The following ADGRD2 variants were observed in gnomAD, a reference collection of about 807,000 sequenced individuals.
ADGRD2 encodes the protein G protein-coupled receptor PGR24.
Under a neutral mutation model 44.4 loss-of-function variants are expected in ADGRD2, and 71 were observed. The ratio of observed to expected loss-of-function variants is 1.60; its 90% confidence interval spans 1.32 to 1.95. ADGRD2 has a LOEUF of 1.95. ADGRD2 is among the 30% of genes most tolerant of loss of function. The pLI is 0.00. For synonymous variants in ADGRD2, 481 were observed against 224.8 expected (o/e 2.14, Z -10.19); for missense variants, 1,039 against 512.4 (o/e 2.03, Z -9.92).
intron 12 of ADGRD2, 120 bp from the exon 16 acceptor site, chr9:124,467,968 G>T: frequency 2.8e-6 from 2 of 704,296 alleles, no homozygotes; most frequent in South Asian, 3.1e-5. Context: ...TGGGTCCCCT[G>T]TGGAGCTGCT....
intron 19 of ADGRD2, 42 bp downstream of exon 22, chr9:124,475,657 C>G (rs976942271): frequency 4.9e-6 from 3 of 611,434 alleles, no homozygotes; most frequent in Non-Finnish European, 5.9e-6. Flanking sequence ...CGGGAGGCCC[C>G]CAGAGCCAGG....
intron 11 of ADGRD2, 123 bp from the exon 15 acceptor site, chr9:124,467,597 TG>T: frequency 1.6e-6 from 1 of 643,306 alleles, no homozygotes. Context: ...TGGGTCCTGC[TG>T]GCTGCTGCTG....
intron 10 of ADGRD2, among the ~76,000 whole-genome samples, chr9:124,464,293 A>C (rs936647045): frequency 6.6e-6 from 1 of 152,216 alleles, no homozygotes; most frequent in African/African-American, 2.4e-5. Flanking sequence ...ACCGCTATGA[A>C]CATTTTGGTG....
In ADGRD2 at chr9:124,469,562, TG is replaced by T. The variant is rs1362590253; in HGVS notation, c.2637+21del. ...ACCCAGATATGGTGAGGCCCCAGAA[TG>T]GGGGGCCAGCAGGAAGCAGGAAGTG... On this transcript the variant is annotated intron_variant, in intron 16 of 21. Coordinates refer to ENST00000334810, the Ensembl canonical transcript of ADGRD2. 5 of 717,282 alleles carry T rather than the reference TG, an allele frequency of 7.0e-6. No individual in the cohort carries two copies. Among genetic ancestry groups the T allele is most frequent in the Non-Finnish European group, 1.3e-5 (5 of 384,814 alleles). The allele number at this position is 717,282 out of a possible 1,614,324, so 44.4% of individuals were successfully genotyped here.
chr9:124,459,905 T>C (rs1831695427), intron 10 of ADGRD2, among the ~76,000 whole-genome samples: 2 of 152,118 alleles, frequency 1.3e-5, no homozygotes, highest in Admixed American at 6.6e-5. Flanking sequence ...AAGTGTGCAA[T>C]GGAATAGTCA....
At chr9:124,450,514 A>C (rs1398933522), upstream of ADGRD2, among the ~76,000 whole-genome samples, 1 of 152,234 alleles carries the variant, frequency 6.6e-6, no homozygotes, top group African/African-American at 2.4e-5. Flanking sequence ...ATAGCGGGTG[A>C]GGAACTGGAG....
exon 22 of ADGRD2, chr9:124,478,574 G>C (rs1312649163): frequency 6.6e-6 from 1 of 152,482 alleles, no homozygotes; most frequent in African/African-American, 2.4e-5. Flanking sequence ...AAATAGGACT[G>C]TTGGGCTCTC....
exon 14 of ADGRD2, chr9:124,468,539 A>C: frequency 1.4e-6 from 1 of 718,572 alleles, no homozygotes; most frequent in Middle Eastern, 2.3e-4. Context: ...TGGCTGTCAC[A>C]GTCGCAATGC....
exon 3 of ADGRD2, chr9:124,453,284 C>A (rs2131224016): frequency 2.0e-6 from 1 of 492,854 alleles, no homozygotes; most frequent in Non-Finnish European, 3.5e-6. Context: ...GGGCAGCACG[C>A]GCCCTTCCTC....
chr9:124,453,396 G>A (rs1281402419), exon 3 of ADGRD2: 11 of 588,100 alleles, frequency 1.9e-5, no homozygotes, highest in Non-Finnish European at 3.0e-5. Flanking sequence ...GGCGCGCTGG[G>A]GCGCGGGGGC....
chr9:124,454,465 G>A lies in ADGRD2; in HGVS notation c.1023-19G>A, dbSNP rs1211181070. On this transcript the variant is annotated intron_variant, in intron 4 of 21. Coordinates refer to ENST00000334810, the Ensembl canonical transcript of ADGRD2. This position sits in a 1 kb window ranked among gnomAD's most constrained non-coding sequence, Gnocchi z 4.5. Reference sequence around the variant, plus strand: ...AGGGGTATTGCCCGGGGCCTAGCCTGGCATCCACTCCTTTGCAGAGCCCTA... The same window carrying A: ...AGGGGTATTGCCCGGGGCCTAGCCTAGCATCCACTCCTTTGCAGAGCCCTA... 1 of 702,388 alleles carries A rather than the reference G, an allele frequency of 1.4e-6. No homozygotes were observed. 43.5% of individuals were successfully genotyped at this position (702,388 alleles called of 1,614,324 possible). A position where few individuals can be genotyped will look rare whatever the true frequency, so the allele number is the denominator to read the frequency against.
upstream of ADGRD2, chr9:124,451,494 G>T (rs147377334): frequency 2.6e-5 from 9 of 345,968 alleles, no homozygotes; most frequent in South Asian, 2.0e-4. Flanking sequence ...CCACTGGTTG[G>T]TTCCCAGCTC....
At chr9:124,453,479 G>A (rs1299055005) in exon 3 of ADGRD2, 1 of 703,088 alleles carries the variant, frequency 1.4e-6, no homozygotes. Context: ...CTGGGCGGTG[G>A]CTTCTCGGTG....
chr9:124,465,714 G>A (rs1831808496), intron 10 of ADGRD2: 1 of 152,012 alleles, frequency 6.6e-6, no homozygotes, highest in Non-Finnish European at 1.5e-5. Context: ...ACTTACACAT[G>A]GTTTTGACCT....
intron 11 of ADGRD2, chr9:124,467,485 C>T: frequency 1.9e-6 from 1 of 530,630 alleles, no homozygotes; most frequent in Non-Finnish European, 3.4e-6. Context: ...AGTAATTGTC[C>T]AGTTGGTAGA....
intron 17 of ADGRD2, among the ~76,000 whole-genome samples, chr9:124,473,957 G>A (rs1027211710): frequency 1.5e-4 from 23 of 152,260 alleles, no homozygotes; most frequent in Admixed American, 1.3e-3. Flanking sequence ...GGCAGACAGA[G>A]TGGGGTCCTC....
At chr9:124,472,390 A>T (rs1468424450) in intron 17 of ADGRD2, among the ~76,000 whole-genome samples, 1 of 151,010 alleles carries the variant, frequency 6.6e-6, no homozygotes, top group Admixed American at 6.6e-5. Flanking sequence ...GCATGTCTTC[A>T]TGTTTCTCCA....
exon 3 of ADGRD2, chr9:124,453,304 C>G (rs1340959018): frequency 4.1e-6 from 2 of 484,162 alleles, no homozygotes; most frequent in African/African-American, 4.1e-5. Flanking sequence ...CGCAGCCTTC[C>G]GCGCCGACGG....
At chr9:124,461,060 G>A (rs1419355208) in intron 10 of ADGRD2, among the ~76,000 whole-genome samples, 1 of 152,090 alleles carries the variant, frequency 6.6e-6, no homozygotes, top group African/African-American at 2.4e-5. Context: ...CAATGACTCT[G>A]GGCATCTCTT....
Sources: allele counts gnomAD v4.1 joint callset (sites outside exome capture counted in the v4.1 genomes callset), GRCh38; gene constraint gnomAD v4.1.1; non-coding constraint Gnocchi (gnomAD v3.1); transcripts MANE v1.5; gene names NCBI Gene and HGNC (gene_info 2026-07-23, HGNC 2026-07-21).